KDM5B: variants seen among roughly 807,000 people sequenced by gnomAD.
KDM5B encodes lysine-specific demethylase 5B.
KDM5B carries 144 observed loss-of-function variants against 193.4 expected under a neutral mutation model. The ratio of observed to expected loss-of-function variants is 0.74; its 90% CI spans 0.65 to 0.86. KDM5B has a LOEUF of 0.86. KDM5B is among the 40% of genes least tolerant of loss of function. The pLI, the probability that KDM5B is intolerant of heterozygous loss-of-function variation, is 0.00. For synonymous variants in KDM5B, 668 were observed against 682.6 expected, an observed-to-expected ratio of 0.98 and a Z score of 0.33; for missense variants, 1,833 against 1,886.9, an observed-to-expected ratio of 0.97 and a Z score of 0.53.
chr1:202,749,114 T>G lies in KDM5B; in HGVS notation c.1847A>C (p.Glu616Ala). The G allele has an allele frequency of 1.2e-6, 2 of 1,611,330 alleles. No homozygotes were observed. Among genetic ancestry groups the G allele is most frequent in the Non-Finnish European group, 1.7e-6 (2 of 1,179,284 alleles). The change falls in exon 14 of 27, where the codon GAG becomes GCG. Residue 616 changes from glutamate (E) to alanine (A), a missense_variant. This residue lies in a region of KDM5B where 1,379 missense variants were observed against 1,349.6 expected (regional missense o/e 1.02). Coordinates refer to ENST00000367265, the MANE Select transcript of KDM5B (RefSeq NM_006618.5). Reference protein sequence around the residue: ...DWLPLGRQCVEHYRLLHRYCV... With the variant: ...DWLPLGRQCVAHYRLLHRYCV... Reference sequence around the variant, plus strand: ...ATATCGATGAAGCAAGCGATAATGCTCCACACACTGTCGGCCTAATGGCAG... The same window carrying G: ...ATATCGATGAAGCAAGCGATAATGCGCCACACACTGTCGGCCTAATGGCAG...
intron 1 of KDM5B, chr1:202,796,871 C>CA (rs1424781997): frequency 1.3e-5 from 2 of 152,628 alleles, no homozygotes; most frequent in African/African-American, 4.8e-5. Context: ...GACTCAACAC[C>CA]AGGCCACACT....
intron 1 of KDM5B, among the ~76,000 whole-genome samples, chr1:202,785,794 C>T (rs1657385821): frequency 6.6e-6 from 1 of 151,790 alleles, no homozygotes; most frequent in Non-Finnish European, 1.5e-5. Context: ...CCTGTAGTCT[C>T]AGCTACTCAG....
chr1:202,747,568 T>TA (rs1558489546), intron 14 of KDM5B, among the ~76,000 whole-genome samples: 3,151 of 141,604 alleles, frequency 0.022, 95 homozygotes, highest in African/African-American at 0.064. Context: ...GCACATATTT[T>TA]TAAAAAAAAA....
chr1:202,740,447 G>A lies in KDM5B; in HGVS notation c.3084+227C>T, dbSNP rs1430889075. On this transcript the variant is annotated intron_variant, in intron 20 of 26. Transcript: ENST00000367265. ...TCCCTCCCGGACGGGGCGGCTGGCC[G>A]GGCGGGGGGCTGACCCCCTCACCTC... Among the ~76,000 whole-genome samples the A allele has an allele frequency of 4.9e-5, 6 of 122,404 alleles. 1 individual carries two copies. The highest frequency in any genetic ancestry group is 7.3e-5 in the Non-Finnish European group (4 of 55,132). 80.3% of individuals were successfully genotyped at this position (122,404 alleles called of 152,430 possible). A position where few individuals can be genotyped will look rare whatever the true frequency, so the allele number is the denominator to read the frequency against.
At chr1:202,802,400 T>C (rs1435497212) in intron 1 of KDM5B, among the ~76,000 whole-genome samples, 1 of 152,032 alleles carries the variant, frequency 6.6e-6, no homozygotes, top group Admixed American at 6.6e-5. Flanking sequence ...GTTGTTGTTG[T>C]TGTTGTGTTT....
At chr1:202,754,532 G>C (rs1393460146) in intron 11 of KDM5B, among the ~76,000 whole-genome samples, 1 of 152,134 alleles carries the variant, frequency 6.6e-6, no homozygotes, top group East Asian at 1.9e-4. Context: ...CAACAAAAGA[G>C]AGGCTAGTCA....
chr1:202,736,631 G>A (rs1313282500), intron 20 of KDM5B, among the ~76,000 whole-genome samples: 1 of 151,846 alleles, frequency 6.6e-6, no homozygotes, highest in African/African-American at 2.4e-5. Context: ...TGGTGGTGGT[G>A]GTGGTAGTGT....
rs116000045 is a variant in KDM5B at position 202,738,451 on chromosome 1, C to G, written c.3085-2059G>C. Among the ~76,000 whole-genome samples, 1,182 of 152,296 alleles carry G rather than the reference C, an allele frequency of 7.8e-3. 18 individuals carry two copies. Among genetic ancestry groups the G allele is most frequent in the African/African-American group, 0.027 (1,117 of 41,584 alleles). On this transcript the variant is annotated intron_variant, in intron 20 of 26. Coordinates refer to ENST00000367265, the MANE Select transcript of KDM5B (RefSeq NM_006618.5). ...ACAAAGTTTATGTCCATAGTAAATA[C>G]TTTTGTTTTTGTTTTTGGCTTGCTG...
chr1:202,768,217 A>G (rs915525666), intron 4 of KDM5B, among the ~76,000 whole-genome samples: 1 of 152,214 alleles, frequency 6.6e-6, no homozygotes, highest in African/African-American at 2.4e-5. Flanking sequence ...AAAGGAGGGT[A>G]TTTAATGCCA....
intron 3 of KDM5B, 38 bp from the exon 4 acceptor site, chr1:202,773,326 G>T: frequency 6.4e-7 from 1 of 1,574,316 alleles, no homozygotes; most frequent in Non-Finnish European, 8.7e-7. Flanking sequence ...CTATATGGAA[G>T]TCACTTCTAA....
At chr1:202,752,318 T>C (rs1655820656) in intron 12 of KDM5B, among the ~76,000 whole-genome samples, 1 of 152,208 alleles carries the variant, frequency 6.6e-6, no homozygotes, top group Non-Finnish European at 1.5e-5. Context: ...CACAAATCCT[T>C]ACTATTGTGT....
At position 202,728,828 on chromosome 1, in the gene KDM5B, G is replaced by GA. The variant is rs1267025098; in HGVS notation, c.*207dup. ...TCAACAACCACAAATAGCTCTTAAG[G>GA]AAAAAATACAAAAAGTGTCAAAAAT... On this transcript the variant is annotated 3_prime_UTR_variant, in exon 27 of 27. Transcript: ENST00000367265. 5 of 549,248 alleles carry GA rather than the reference G, an allele frequency of 9.1e-6. No individual in the cohort carries two copies. The highest frequency in any genetic ancestry group is 1.5e-5 in the Non-Finnish European group (5 of 324,228). The allele number at this position is 549,248 out of a possible 1,614,324, so 34.0% of individuals were successfully genotyped here.
At chr1:202,762,060 G>T (rs1656270394) in intron 7 of KDM5B, among the ~76,000 whole-genome samples, 1 of 152,146 alleles carries the variant, frequency 6.6e-6, no homozygotes, top group Non-Finnish European at 1.5e-5. Flanking sequence ...GCTCTCAGAA[G>T]GGGGCAGAGA....
At position 202,729,141 on chromosome 1, in the gene KDM5B, A is replaced by T. The variant is rs1433420061; in HGVS notation, c.4530T>A (p.Asn1510Lys). The T allele has an allele frequency of 6.2e-7, 1 of 1,614,058 alleles. No homozygotes were observed. Among genetic ancestry groups the T allele is most frequent in the East Asian group, 2.2e-5 (1 of 44,898 alleles). The change falls in exon 27 of 27, where the codon AAT (asparagine) becomes AAA (lysine). Residue 1510 changes from asparagine to lysine, a missense_variant. By Grantham distance (94) the Asn-to-Lys change is moderately conservative (BLOSUM62 0). Around this residue, in one of 3 missense-constraint regions of KDM5B, gnomAD observed 1,379 missense variants for 1,349.6 expected, o/e 1.02. Coordinates refer to ENST00000367265, the MANE Select transcript of KDM5B (RefSeq NM_006618.5). Reference protein sequence around the residue: ...VDWVQCDGSCNQWFHQVCVGV... With the variant: ...VDWVQCDGSCKQWFHQVCVGV... ...CAACACAGACCTGATGAAACCACTG[A>T]TTGCAGCTGCCATCACACTGGACCC...
At chr1:202,754,670 T>C (rs534645924) in intron 11 of KDM5B, among the ~76,000 whole-genome samples, 2 of 152,320 alleles carry the variant, frequency 1.3e-5, no homozygotes, top group South Asian at 4.1e-4. Flanking sequence ...AGAATATGCT[T>C]TTTCTATAGG....
chr1:202,752,787 A>T, intron 12 of KDM5B, 118 bp downstream of exon 12: 1 of 963,376 alleles, frequency 1.0e-6, no homozygotes, highest in South Asian at 1.7e-5. Flanking sequence ...TGTTTCTGCT[A>T]TCAAGTCATG....
intron 1 of KDM5B, among the ~76,000 whole-genome samples, chr1:202,783,115 G>A (rs573292189): frequency 1.8e-4 from 27 of 152,200 alleles, no homozygotes; most frequent in Non-Finnish European, 2.8e-4. Flanking sequence ...ACATGGTGGC[G>A]CATGCCTGAT....
intron 22 of KDM5B, among the ~76,000 whole-genome samples, chr1:202,735,134 T>C (rs540780075): frequency 6.6e-6 from 1 of 152,322 alleles, no homozygotes; most frequent in East Asian, 1.9e-4. Flanking sequence ...CATCTATTAA[T>C]ATTAGTCTCA....
At chr1:202,766,871 C>T in intron 5 of KDM5B, 55 bp downstream of exon 5, 1 of 1,506,772 alleles carries the variant, frequency 6.6e-7, no homozygotes, top group Admixed American at 2.4e-5. Context: ...TGCCAGACAG[C>T]CATTGGTATT....
Sources: gnomAD v4.1 joint callset for allele counts (sites outside exome capture counted in the v4.1 genomes callset) on GRCh38, gnomAD v4.1.1 for gene constraint, gnomAD v4.1.1 regional missense constraint, MANE v1.5 for transcripts, NCBI Gene and HGNC (gene_info 2026-07-23, HGNC 2026-07-21) for gene names.